The following SDK1 variants were observed in gnomAD, a reference collection of about 807,000 sequenced individuals.
SDK1 encodes protein sidekick-1.
Under a neutral mutation model 245.5 loss-of-function variants are expected in SDK1, and 157 were observed. The observed-to-expected ratio is 0.64, with a 90% CI of 0.56 to 0.73. The LOEUF is 0.73. Ranked by LOEUF, SDK1 falls within the 30% of genes least tolerant of loss-of-function variation. SDK1 has a pLI of 0.00. For synonymous variants in SDK1, 1,647 were observed against 1,278.5 expected (o/e 1.29, Z -6.15); for missense variants, 3,583 against 3,002.3 (o/e 1.19, Z -4.52).
At chr7:3,551,002 A>T (rs950154583) in intron 1 of SDK1, among the ~76,000 whole-genome samples, 1 of 152,206 alleles carries the variant, frequency 6.6e-6, no homozygotes, top group African/African-American at 2.4e-5. Context: ...AGTGAACTCA[A>T]CCAGCTTTTA....
At chr7:4,065,712 T>TGG in intron 19 of SDK1, among the ~76,000 whole-genome samples, 1 of 139,944 alleles carries the variant, frequency 7.1e-6, no homozygotes, top group South Asian at 2.4e-4. Context: ...TTTTTTTTTT[T>TGG]TTTTTTTTTT....
At chr7:3,590,244 A>C (rs1258490262) in intron 1 of SDK1, among the ~76,000 whole-genome samples, 1 of 141,194 alleles carries the variant, frequency 7.1e-6, no homozygotes, top group African/African-American at 2.6e-5. Context: ...GTTGAATTTT[A>C]GTGGATTTGA....
At chr7:4,215,482 C>G (rs573226920) in intron 38 of SDK1, among the ~76,000 whole-genome samples, 67 of 152,334 alleles carry the variant, frequency 4.4e-4, no homozygotes, top group Non-Finnish European at 6.9e-4. Context: ...CCCTTGGAAC[C>G]CAACCACCAT....
chr7:3,485,954 T>C (rs1008680302), intron 1 of SDK1, among the ~76,000 whole-genome samples: 1 of 152,044 alleles, frequency 6.6e-6, no homozygotes, highest in Admixed American at 6.5e-5. Flanking sequence ...TAAAACCATC[T>C]ATGCCTAGTG....
chr7:3,850,038 A>G (rs757629461), intron 5 of SDK1, among the ~76,000 whole-genome samples: 2 of 152,240 alleles, frequency 1.3e-5, no homozygotes, highest in Non-Finnish European at 2.9e-5. Flanking sequence ...TCTTGGAGTT[A>G]TGTAACATCA....
chr7:4,101,489 G>C (rs563450196), intron 22 of SDK1, among the ~76,000 whole-genome samples: 12 of 152,294 alleles, frequency 7.9e-5, no homozygotes, highest in African/African-American at 2.4e-4. Flanking sequence ...TGTCAAAATA[G>C]TTCAAGCAAG....
intron 1 of SDK1, among the ~76,000 whole-genome samples, chr7:3,571,142 C>T (rs920572795): frequency 5.3e-5 from 8 of 151,888 alleles, no homozygotes; most frequent in Admixed American, 2.6e-4. Flanking sequence ...AATTTGGAGT[C>T]GACTTACTGA....
intron 1 of SDK1, among the ~76,000 whole-genome samples, chr7:3,601,845 A>G (rs1019029025): frequency 8.0e-6 from 1 of 124,756 alleles, no homozygotes; most frequent in African/African-American, 3.2e-5. Context: ...ACCCCACAAC[A>G]GTCCCCAGTG....
chr7:3,657,128 G>A (rs1783211190), intron 4 of SDK1, among the ~76,000 whole-genome samples: 1 of 152,146 alleles, frequency 6.6e-6, no homozygotes, highest in Non-Finnish European at 1.5e-5. Flanking sequence ...AGGAACCCTA[G>A]GGAGAAAGGG....
chr7:4,031,124 G>A (rs1400602340), intron 17 of SDK1, among the ~76,000 whole-genome samples: 1 of 151,854 alleles, frequency 6.6e-6, no homozygotes, highest in Admixed American at 6.6e-5. Context: ...TATATACATG[G>A]ACACAGATAA....
At chr7:4,186,261 G>T (rs1431394963) in intron 35 of SDK1, among the ~76,000 whole-genome samples, 2 of 152,134 alleles carry the variant, frequency 1.3e-5, no homozygotes, top group East Asian at 1.9e-4. Context: ...TTGCCCTGGG[G>T]GTCCTGGCAC....
intron 1 of SDK1, among the ~76,000 whole-genome samples, chr7:3,425,569 A>G (rs149237035): frequency 6.6e-6 from 1 of 152,382 alleles, no homozygotes; most frequent in Admixed American, 6.5e-5. Context: ...AGCAGTCAGA[A>G]TGGAAAACAA....
intron 4 of SDK1, among the ~76,000 whole-genome samples, chr7:3,737,210 G>C (rs892864756): frequency 6.6e-6 from 1 of 152,196 alleles, no homozygotes; most frequent in Non-Finnish European, 1.5e-5. Context: ...TGCTGGGCAG[G>C]GCCATAGGCT....
chr7:3,829,235 A>T (rs1164159583), intron 5 of SDK1, among the ~76,000 whole-genome samples: 1 of 152,222 alleles, frequency 6.6e-6, no homozygotes, highest in Non-Finnish European at 1.5e-5. Flanking sequence ...AATGTAAGAA[A>T]GATACACAGT....
chr7:3,616,457 T>G (rs1781775666), intron 1 of SDK1, among the ~76,000 whole-genome samples: 1 of 152,168 alleles, frequency 6.6e-6, no homozygotes, highest in South Asian at 2.1e-4. Context: ...CACTCTTTCG[T>G]ACTGCCCAAG....
At chr7:3,403,563 C>T (rs1310624255) in intron 1 of SDK1, among the ~76,000 whole-genome samples, 2 of 151,246 alleles carry the variant, frequency 1.3e-5, no homozygotes, top group South Asian at 4.2e-4. Context: ...TTTATTTGCA[C>T]CTATGAGAAA....
chr7:3,828,972 A>G (rs1464180870), intron 5 of SDK1, among the ~76,000 whole-genome samples: 1 of 152,138 alleles, frequency 6.6e-6, no homozygotes, highest in Non-Finnish European at 1.5e-5. Flanking sequence ...TGAAGTTTAT[A>G]CGCATAGTTT....
At chr7:3,610,561 TTA>T (rs1295264841) in intron 1 of SDK1, among the ~76,000 whole-genome samples, 2 of 152,204 alleles carry the variant, frequency 1.3e-5, no homozygotes, top group Non-Finnish European at 2.9e-5. Context: ...TCTTATTAAT[TTA>T]TATACTGAAA....
At chr7:3,593,362 G>A (rs1376217020) in intron 1 of SDK1, among the ~76,000 whole-genome samples, 2 of 152,090 alleles carry the variant, frequency 1.3e-5, no homozygotes, top group Admixed American at 6.5e-5. Context: ...CCAGGTCTGG[G>A]GATAGTATGT....
Sources: gnomAD v4.1 joint callset for allele counts (sites outside exome capture counted in the v4.1 genomes callset) on GRCh38, gnomAD v4.1.1 for gene constraint, MANE v1.5 for transcripts, NCBI Gene and HGNC (gene_info 2026-07-23, HGNC 2026-07-21) for gene names.